Variants in EXT2 observed in about 807,000 individuals in gnomAD.
EXT2 encodes the protein exostosin glycosyltransferase 2.
EXT2 carries 53 observed loss-of-function variants against 81.6 expected under a neutral mutation model. The observed-to-expected ratio is 0.65, with a 90% CI of 0.52 to 0.82. The LOEUF (loss-of-function observed/expected upper bound fraction) is 0.82. EXT2 is among the 40% of genes least tolerant of loss of function. The pLI is 0.00. For missense variants in EXT2, 774 were observed against 910.2 expected (o/e 0.85, Z 1.93); for synonymous variants, 320 against 340.0 (o/e 0.94, Z 0.65).
rs570887500 is a variant in EXT2, at chr11:44,229,093, G to A, written c.1663-3260G>A. Among the ~76,000 whole-genome samples the A allele has an allele frequency of 5.0e-4, 76 of 152,068 alleles. 1 individual carries two copies. In the South Asian group the frequency reaches 0.015, roughly 30 times the overall value. On this transcript the variant is annotated intron_variant, in intron 10 of 13. Transcript: ENST00000533608. ...TAGTTATGTGTGCTTGGGGCCCTTC[G>A]GAAATCTCTTTAACCCCATGAATCA...
At chr11:44,126,746 T>G in intron 5 of EXT2, 70 bp from the exon 6 acceptor site, 1 of 1,601,440 alleles carries the variant, frequency 6.2e-7, no homozygotes, top group Non-Finnish European at 8.6e-7. Context: ...AACTTTGTGG[T>G]CTGTAGGGAT....
intron 9 of EXT2, among the ~76,000 whole-genome samples, chr11:44,198,707 A>G (rs1256544195): frequency 6.6e-6 from 1 of 152,242 alleles, no homozygotes. Flanking sequence ...ATAGCCTATT[A>G]AAGCCAGGAA....
chr11:44,223,755 A>G (rs1328624667), intron 10 of EXT2, among the ~76,000 whole-genome samples: 3 of 148,244 alleles, frequency 2.0e-5, no homozygotes, highest in Admixed American at 1.4e-4. Flanking sequence ...GGTTCACGCC[A>G]TTCCCCTGCC....
intron 1 of EXT2, among the ~76,000 whole-genome samples, chr11:44,107,122 A>G (rs1954066052): frequency 6.6e-6 from 1 of 151,912 alleles, no homozygotes; most frequent in African/African-American, 2.4e-5. Flanking sequence ...TTGATAGGGT[A>G]TAGTAATATT....
intron 7 of EXT2, among the ~76,000 whole-genome samples, chr11:44,171,134 A>G (rs1955067138): frequency 6.6e-6 from 1 of 152,232 alleles, no homozygotes; most frequent in African/African-American, 2.4e-5. Context: ...AATTGTAATC[A>G]GCATAATGGT....
intron 4 of EXT2, among the ~76,000 whole-genome samples, chr11:44,120,687 A>G (rs1954303469): frequency 6.6e-6 from 1 of 152,228 alleles, no homozygotes; most frequent in Non-Finnish European, 1.5e-5. Flanking sequence ...CAGAATAGTG[A>G]GAGCTTTGCT....
Position 44,234,247 on chromosome 11 carries a change from G to A in EXT2, c.1935+4G>A, listed in dbSNP as rs755910155. The A allele has an allele frequency of 2.5e-6, 4 of 1,613,536 alleles. No individual in the cohort carries two copies. The highest frequency in any genetic ancestry group is 8.5e-7 in the Non-Finnish European group (1 of 1,179,794). ...CACGGGAAAAGCAGTTATCAAGGTA[G>A]GAGGCTCTGCCACTCACTTGCTTTG... On this transcript the variant is annotated splice_donor_region_variant and intron_variant, in intron 12 of 13. Transcript: ENST00000533608.
chr11:44,230,596 G>T (rs1337336736), intron 10 of EXT2, among the ~76,000 whole-genome samples: 1 of 152,170 alleles, frequency 6.6e-6, no homozygotes, highest in African/African-American at 2.4e-5. Flanking sequence ...TGCACAGGGG[G>T]GAAGATGGCC....
intron 6 of EXT2, among the ~76,000 whole-genome samples, chr11:44,128,612 C>T (rs1015263216): frequency 6.6e-6 from 1 of 152,160 alleles, no homozygotes; most frequent in African/African-American, 2.4e-5. Context: ...CACACACCAT[C>T]ATTGGCAGTG....
intron 10 of EXT2, among the ~76,000 whole-genome samples, chr11:44,214,410 G>A (rs1294117856): frequency 6.6e-6 from 1 of 152,082 alleles, no homozygotes; most frequent in Non-Finnish European, 1.5e-5. Context: ...CACCATGCCC[G>A]GCCGTAACTT....
intron 10 of EXT2, among the ~76,000 whole-genome samples, chr11:44,216,860 G>A (rs997081982): frequency 5.9e-5 from 9 of 151,418 alleles, no homozygotes; most frequent in African/African-American, 2.2e-4. Context: ...CTTGAAAATT[G>A]ATAGTGCACT....
intron 7 of EXT2, among the ~76,000 whole-genome samples, chr11:44,143,860 C>G (rs1954679299): frequency 6.6e-6 from 1 of 152,166 alleles, no homozygotes; most frequent in Non-Finnish European, 1.5e-5. Context: ...GAGAGTGTCT[C>G]CTTGGTGTTC....
At position 44,248,321 on chromosome 11, in the gene EXT2, T is replaced by C. The variant is rs1328170835; in HGVS notation, c.*4034T>C. ...GTTCTGGCAGGAGTGTTAACCATAT[T>C]GGCAGCAGCTTCCATCCAGAGAGAC... On this transcript the variant is annotated 3_prime_UTR_variant, in exon 14 of 14. Transcript: ENST00000533608. 6.6e-6 allele frequency among the ~76,000 whole-genome samples: 1 copy of C among 152,142 alleles called. No individual in the cohort carries two copies. The highest frequency in any genetic ancestry group is 1.5e-5 in the Non-Finnish European group (1 of 68,024).
At chr11:44,127,828 A>T (rs1019840761) in intron 6 of EXT2, among the ~76,000 whole-genome samples, 1 of 152,204 alleles carries the variant, frequency 6.6e-6, no homozygotes, top group Non-Finnish European at 1.5e-5. Flanking sequence ...AATGTTGTAG[A>T]TGGTGGTGGA....
chr11:44,120,626 C>T (rs899527002), intron 4 of EXT2, among the ~76,000 whole-genome samples: 1 of 152,192 alleles, frequency 6.6e-6, no homozygotes, highest in Non-Finnish European at 1.5e-5. Context: ...GTTTGTTGAT[C>T]CTTGTGAGAG....
rs781374368 is a variant in EXT2 at position 44,130,108 on chromosome 11, C to T, written c.1143C>T (p.Pro381=). ...TGTACAGTATTTTGCAGAGCATCCC[C>T]CAAAGACAGATTGAAGAAATGCAGA... The part of the protein sequence containing the change: ...SDVYSILQSI[P]QRQIEEMQRQ... The change falls in exon 7 of 14, where the codon CCC becomes CCT. Residue 381 remains proline (P), a synonymous_variant. Transcript: ENST00000533608. The T allele has an allele frequency of 9.9e-6, 16 of 1,614,016 alleles. No individual in the cohort carries two copies. The highest frequency in any genetic ancestry group is 3.3e-5 in the South Asian group (3 of 91,074).
intron 6 of EXT2, among the ~76,000 whole-genome samples, chr11:44,128,720 A>G (rs1954445508): frequency 6.6e-6 from 1 of 152,156 alleles, no homozygotes; most frequent in Non-Finnish European, 1.5e-5. Flanking sequence ...CTAATTATGG[A>G]TTTAAAGTCA....
intron 7 of EXT2, among the ~76,000 whole-genome samples, chr11:44,145,318 C>T (rs1245987720): frequency 2.0e-5 from 3 of 152,012 alleles, no homozygotes; most frequent in Non-Finnish European, 1.5e-5. Flanking sequence ...AAATAATATC[C>T]ATTGAAGTCT....
At chr11:44,232,605 T>C in intron 11 of EXT2, 109 bp downstream of exon 11, 1 of 1,369,752 alleles carries the variant, frequency 7.3e-7, no homozygotes, top group South Asian at 1.3e-5. Flanking sequence ...AAAAGCCATA[T>C]TGTGTGACAG....
Sources: gnomAD v4.1 joint callset for allele counts (sites outside exome capture counted in the v4.1 genomes callset) on GRCh38, gnomAD v4.1.1 for gene constraint, MANE v1.5 for transcripts, NCBI Gene and HGNC (gene_info 2026-07-23, HGNC 2026-07-21) for gene names.